Variants in RBFOX1 observed in about 807,000 individuals in gnomAD.
RBFOX1 encodes the protein RNA binding fox-1 homolog 1.
Under a neutral mutation model 57.7 loss-of-function variants are expected in RBFOX1, and 8 were observed. The ratio of observed to expected loss-of-function variants is 0.14; its 90% CI spans 0.08 to 0.25. The LOEUF (loss-of-function observed/expected upper bound fraction) is 0.25, where lower values mean the gene tolerates loss of function less well. Among genes scored for constraint, RBFOX1 ranks in the 10% least tolerant of loss-of-function variants. The pLI is 1.00. For synonymous variants in RBFOX1, 326 were observed against 222.4 expected (o/e 1.47, Z -4.15); for missense variants, 611 against 548.5 (o/e 1.11, Z -1.14).
At chr16:6,657,613 A>C (rs2098668779) in intron 3 of RBFOX1, among the ~76,000 whole-genome samples, 1 of 152,152 alleles carries the variant, frequency 6.6e-6, no homozygotes, top group South Asian at 2.1e-4. Context: ...TTGCTCACGC[A>C]CGTGTGTGTG....
At chr16:5,915,191 TTG>T (rs1283100104) in intron 4 of RBFOX1, among the ~76,000 whole-genome samples, 1 of 152,226 alleles carries the variant, frequency 6.6e-6, no homozygotes, top group Non-Finnish European at 1.5e-5. Context: ...ATGGAGCATC[TTG>T]TTACATCCTC....
At chr16:6,212,943 A>G (rs2097308327) in intron 1 of RBFOX1, among the ~76,000 whole-genome samples, 1 of 152,236 alleles carries the variant, frequency 6.6e-6, no homozygotes, top group South Asian at 2.1e-4. Context: ...TTTTACATAA[A>G]GAGGCAGACC....
At chr16:7,228,852 A>AAAGTGAG (rs1379233662) in intron 4 of RBFOX1, among the ~76,000 whole-genome samples, 16 of 152,346 alleles carry the variant, frequency 1.1e-4, no homozygotes, top group African/African-American at 3.6e-4. Context: ...TTGAAAATGA[A>AAAGTGAG]AAGTGAGTGT....
At chr16:7,385,223 A>G (rs2097855923) in intron 4 of RBFOX1, among the ~76,000 whole-genome samples, 1 of 152,228 alleles carries the variant, frequency 6.6e-6, no homozygotes, top group African/African-American at 2.4e-5. Flanking sequence ...CACAAAGATG[A>G]CTGCTTGCCA....
chr16:7,188,611 A>G (rs1390563483), intron 4 of RBFOX1, among the ~76,000 whole-genome samples: 1 of 152,152 alleles, frequency 6.6e-6, no homozygotes, highest in African/African-American at 2.4e-5. Flanking sequence ...TATGCTGCAG[A>G]CTTTTCCAAT....
chr16:6,856,049 T>C (rs370736087), intron 3 of RBFOX1, among the ~76,000 whole-genome samples: 10 of 152,028 alleles, frequency 6.6e-5, no homozygotes, highest in East Asian at 3.9e-4. Context: ...ATGGTATATG[T>C]CTCTCTGGGT....
chr16:6,585,378 C>G (rs890436517), intron 2 of RBFOX1, among the ~76,000 whole-genome samples: 1 of 152,136 alleles, frequency 6.6e-6, no homozygotes, highest in East Asian at 1.9e-4. Flanking sequence ...TTGAAATCAT[C>G]TCTTCTTGAC....
intron 3 of RBFOX1, among the ~76,000 whole-genome samples, chr16:6,822,285 C>G (rs909968803): frequency 1.3e-5 from 2 of 152,162 alleles, no homozygotes; most frequent in African/African-American, 4.8e-5. Flanking sequence ...CTTTTCCATT[C>G]TATCACCATT....
rs558920412 is a variant in RBFOX1 at position 7,028,802 on chromosome 16, G to A, written c.-15-23255G>A. On this transcript the variant is annotated intron_variant, in intron 3 of 15. Transcript: ENST00000550418. ...GAAACCATGGAACATCCAAACATTG[G>A]CGATCAACAAAGCCAGCAGTATGTG... Among the ~76,000 whole-genome samples, 111 of 151,156 alleles carry A rather than the reference G, an allele frequency of 7.3e-4. 2 individuals are homozygous for A. The South Asian group carries it at 0.022, about 30-fold the overall frequency.
chr16:7,159,836 G>T (rs1012919973), intron 4 of RBFOX1, among the ~76,000 whole-genome samples: 1 of 152,134 alleles, frequency 6.6e-6, no homozygotes, highest in Non-Finnish European at 1.5e-5. Context: ...GTTGTAGTTT[G>T]CATACTTGGA....
intron 2 of RBFOX1, among the ~76,000 whole-genome samples, chr16:5,510,094 T>C (rs2043528974): frequency 6.6e-6 from 1 of 152,220 alleles, no homozygotes; most frequent in Non-Finnish European, 1.5e-5. Flanking sequence ...AGCACAGGGC[T>C]TGTCTCAGAA....
At chr16:6,745,790 T>G (rs907632379) in intron 3 of RBFOX1, among the ~76,000 whole-genome samples, 1 of 152,090 alleles carries the variant, frequency 6.6e-6, no homozygotes, top group African/African-American at 2.4e-5. Flanking sequence ...CCAGTGATAA[T>G]GAGCAAGAAA....
chr16:5,243,293 T>C (rs1213452389), intron 1 of RBFOX1, among the ~76,000 whole-genome samples: 3 of 152,128 alleles, frequency 2.0e-5, no homozygotes, highest in Admixed American at 2.0e-4. Context: ...CATTCAAGGG[T>C]AATAACTCAC....
intron 4 of RBFOX1, among the ~76,000 whole-genome samples, chr16:7,091,487 G>A (rs927300923): frequency 2.6e-5 from 4 of 151,658 alleles, no homozygotes; most frequent in African/African-American, 9.7e-5. Flanking sequence ...GTTATGCCAG[G>A]CGGCAGCATC....
chr16:6,918,899 G>A (rs1005421646), intron 3 of RBFOX1, among the ~76,000 whole-genome samples: 5 of 152,114 alleles, frequency 3.3e-5, no homozygotes, highest in African/African-American at 9.7e-5. Context: ...AAGTGGGGGT[G>A]GGGAGGAAAG....
At chr16:6,167,116 G>A (rs7202230) in intron 1 of RBFOX1, among the ~76,000 whole-genome samples, 54,071 of 152,054 alleles carry the variant, frequency 0.36, 9,874 homozygotes, top group Admixed American at 0.47. Context: ...GAGAAGGGAG[G>A]GTATTTGCTG....
chr16:7,597,512 C>T (rs1243028085), intron 9 of RBFOX1, 81 bp downstream of exon 9: 24 of 1,299,636 alleles, frequency 1.8e-5, no homozygotes, highest in Non-Finnish European at 2.2e-6. Flanking sequence ...TCTATTACAA[C>T]AAGCTGTGTT....
intron 4 of RBFOX1, among the ~76,000 whole-genome samples, chr16:7,232,466 T>C (rs568113639): frequency 6.6e-6 from 1 of 152,264 alleles, no homozygotes; most frequent in East Asian, 1.9e-4. Context: ...GCTCAATAAA[T>C]AGCCTGCATG....
chr16:6,459,656 C>G (rs1243382866), intron 2 of RBFOX1, among the ~76,000 whole-genome samples: 1 of 152,020 alleles, frequency 6.6e-6, no homozygotes. Context: ...ATAGAAAATA[C>G]CAATGTCTTT....
Sources: gnomAD v4.1 joint callset for allele counts (sites outside exome capture counted in the v4.1 genomes callset) on GRCh38, gnomAD v4.1.1 for gene constraint, MANE v1.5 for transcripts, NCBI Gene and HGNC (gene_info 2026-07-23, HGNC 2026-07-21) for gene names.